The following PLD5 variants were observed in gnomAD, a reference collection of about 807,000 sequenced individuals.
PLD5 encodes the protein inactive phospholipase D5.
Under a neutral mutation model 61.1 loss-of-function variants are expected in PLD5, and 36 were observed. The ratio of observed to expected loss-of-function variants is 0.59; its 90% CI spans 0.45 to 0.78. PLD5 has a LOEUF of 0.78. PLD5 is among the 30% of genes least tolerant of loss of function. PLD5 has a pLI of 0.00. For synonymous variants in PLD5, 243 were observed against 242.8 expected, an observed-to-expected ratio of 1.00 and a Z score of -0.01; for missense variants, 515 against 644.4, an observed-to-expected ratio of 0.80 and a Z score of 2.17.
At chr1:242,483,112 T>A (rs193043375) in intron 1 of PLD5, among the ~76,000 whole-genome samples, 86 of 152,182 alleles carry the variant, frequency 5.7e-4, no homozygotes, top group African/African-American at 2.0e-3. Context: ...ACATGCCAAA[T>A]TGTAAAGACC....
intron 1 of PLD5, among the ~76,000 whole-genome samples, chr1:242,410,234 A>C (rs992435328): frequency 5.3e-5 from 8 of 152,182 alleles, no homozygotes; most frequent in African/African-American, 1.9e-4. Context: ...ATGTCCATGC[A>C]TGTGAACTGA....
At chr1:242,479,874 T>A (rs1667712482) in intron 1 of PLD5, among the ~76,000 whole-genome samples, 1 of 149,408 alleles carries the variant, frequency 6.7e-6, no homozygotes, top group East Asian at 2.0e-4. Flanking sequence ...AAACCCCGTC[T>A]CTACTAAAAA....
chr1:242,296,794 T>G (rs1675684656), intron 2 of PLD5, among the ~76,000 whole-genome samples: 2 of 152,310 alleles, frequency 1.3e-5, no homozygotes, highest in Non-Finnish European at 2.9e-5. Context: ...CATAGCACAC[T>G]GCAGCCTCAA....
intron 1 of PLD5, among the ~76,000 whole-genome samples, chr1:242,443,086 T>A (rs2810034): frequency 6.6e-6 from 1 of 151,970 alleles, no homozygotes; most frequent in Non-Finnish European, 1.5e-5. Context: ...AAAGTGTCCA[T>A]CAGAAATATT....
intron 4 of PLD5, among the ~76,000 whole-genome samples, chr1:242,241,912 CT>C (rs1293453951): frequency 3.6e-4 from 8 of 21,944 alleles, no homozygotes; most frequent in African/African-American, 1.6e-3. Flanking sequence ...TATATATATA[CT>C]TACTGTATAT....
intron 9 of PLD5, among the ~76,000 whole-genome samples, chr1:242,097,542 C>T (rs1410514386): frequency 5.3e-5 from 8 of 152,236 alleles, no homozygotes; most frequent in South Asian, 2.1e-4. Context: ...GCTGCATAAA[C>T]GTCTTCTTTT....
At chr1:242,269,583 G>A (rs1673931516) in intron 3 of PLD5, among the ~76,000 whole-genome samples, 2 of 151,266 alleles carry the variant, frequency 1.3e-5, no homozygotes, top group South Asian at 4.2e-4. Flanking sequence ...TTAATTACAT[G>A]CATACAAGGG....
intron 2 of PLD5, among the ~76,000 whole-genome samples, chr1:242,304,761 G>C (rs1183440745): frequency 1.3e-5 from 2 of 152,194 alleles, no homozygotes; most frequent in Non-Finnish European, 2.9e-5. Flanking sequence ...TGGCAGAACA[G>C]ATTTCTTCAT....
chr1:242,421,981 G>T (rs1665169823), intron 1 of PLD5, among the ~76,000 whole-genome samples: 1 of 152,118 alleles, frequency 6.6e-6, no homozygotes, highest in Admixed American at 6.5e-5. Flanking sequence ...AAATTCAAAT[G>T]AAGAAAAGAG....
intron 8 of PLD5, among the ~76,000 whole-genome samples, chr1:242,104,750 G>A (rs1426723025): frequency 6.6e-6 from 1 of 152,170 alleles, no homozygotes; most frequent in Non-Finnish European, 1.5e-5. Flanking sequence ...TGAACTTGTG[G>A]CCTCAGATGA....
intron 4 of PLD5, among the ~76,000 whole-genome samples, chr1:242,233,014 C>T (rs977185233): frequency 3.9e-5 from 6 of 151,940 alleles, no homozygotes; most frequent in African/African-American, 1.5e-4. Flanking sequence ...ATTAGCCAGG[C>T]GTGGTGGCAG....
chr1:242,232,023 T>A (rs1671343048), intron 4 of PLD5, among the ~76,000 whole-genome samples: 1 of 150,360 alleles, frequency 6.7e-6, no homozygotes, highest in East Asian at 1.9e-4. Context: ...ATATTCAAAA[T>A]CTAATTGCGG....
chr1:242,107,360 C>T (rs1190884027), intron 8 of PLD5, among the ~76,000 whole-genome samples: 1 of 151,786 alleles, frequency 6.6e-6, no homozygotes, highest in Non-Finnish European at 1.5e-5. Flanking sequence ...TGCAGTGAGC[C>T]GGGATTGTGC....
intron 1 of PLD5, among the ~76,000 whole-genome samples, chr1:242,485,559 A>T (rs562330840): frequency 6.6e-6 from 1 of 152,334 alleles, no homozygotes; most frequent in South Asian, 2.1e-4. Context: ...ACAATGAAAT[A>T]AAAGAGGATA....
At chr1:242,240,681 C>CA (rs1004731300) in intron 4 of PLD5, among the ~76,000 whole-genome samples, 11 of 150,774 alleles carry the variant, frequency 7.3e-5, no homozygotes, top group Middle Eastern at 3.4e-3. Flanking sequence ...AAATGTAGTG[C>CA]AAAAAAAACA....
intron 1 of PLD5, among the ~76,000 whole-genome samples, chr1:242,476,615 A>T (rs78312399): frequency 6.6e-6 from 1 of 152,216 alleles, no homozygotes; most frequent in Non-Finnish European, 1.5e-5. Flanking sequence ...CAGCACTAAG[A>T]TCTACATTTA....
intron 2 of PLD5, among the ~76,000 whole-genome samples, chr1:242,294,618 G>A (rs2149147229): frequency 6.6e-6 from 1 of 152,240 alleles, no homozygotes; most frequent in African/African-American, 2.4e-5. Context: ...TGCCAGTTAT[G>A]AGCTGTGTGA....
intron 1 of PLD5, among the ~76,000 whole-genome samples, chr1:242,373,531 C>A (rs1354466099): frequency 1.3e-5 from 2 of 152,120 alleles, no homozygotes; most frequent in African/African-American, 2.4e-5. Flanking sequence ...TTCACAATAG[C>A]AGAGACCTGG....
intron 1 of PLD5, among the ~76,000 whole-genome samples, chr1:242,459,826 T>G (rs1267751435): frequency 6.6e-6 from 1 of 152,104 alleles, no homozygotes; most frequent in East Asian, 1.9e-4. Flanking sequence ...ATGTGACTCT[T>G]GTGGAAAGCC....
Sources: allele counts gnomAD v4.1 joint callset (sites outside exome capture counted in the v4.1 genomes callset), GRCh38; gene constraint gnomAD v4.1.1; transcripts MANE v1.5; gene names NCBI Gene and HGNC (gene_info 2026-07-23, HGNC 2026-07-21).